Variants in NELL2 observed in about 807,000 individuals in gnomAD.
NELL2 encodes neural EGFL like 2, also known as protein kinase C-binding protein NELL2.
A neutral mutation model predicts 109.6 loss-of-function variants in NELL2; 41 were observed. The ratio of observed to expected loss-of-function variants is 0.37; its 90% confidence interval spans 0.29 to 0.49. NELL2 has a LOEUF of 0.49. NELL2 is among the 20% of genes least tolerant of loss of function. NELL2 has a pLI of 0.98. For missense variants in NELL2, 900 were observed against 1,008.3 expected (o/e 0.89, Z 1.45); for synonymous variants, 355 against 344.7 (o/e 1.03, Z -0.33).
At chr12:44,567,346 TA>T (rs1404715147) in intron 15 of NELL2, among the ~76,000 whole-genome samples, 1 of 152,218 alleles carries the variant, frequency 6.6e-6, no homozygotes, top group Admixed American at 6.5e-5. Context: ...CTGTAAAAAC[TA>T]TGATCAAATA....
intron 2 of NELL2, among the ~76,000 whole-genome samples, chr12:44,817,741 T>G (rs1943399288): frequency 6.6e-6 from 1 of 152,166 alleles, no homozygotes. Context: ...ACCTGCTGTT[T>G]CCATCACCAT....
chr12:44,694,211 A>T (rs2136401316), intron 12 of NELL2, among the ~76,000 whole-genome samples: 1 of 152,268 alleles, frequency 6.6e-6, no homozygotes, highest in Middle Eastern at 3.4e-3. Flanking sequence ...TCCCTCCCTA[A>T]CGTGGGCAGG....
At chr12:44,629,605 C>T (rs2136283302) in intron 13 of NELL2, among the ~76,000 whole-genome samples, 1 of 152,100 alleles carries the variant, frequency 6.6e-6, no homozygotes, top group East Asian at 1.9e-4. Context: ...CGGGCACATA[C>T]AATGAAATAG....
intron 15 of NELL2, among the ~76,000 whole-genome samples, chr12:44,571,526 A>C (rs1943871560): frequency 6.6e-6 from 1 of 152,166 alleles, no homozygotes; most frequent in Admixed American, 6.5e-5. Context: ...TCTGTCTGGG[A>C]AGTGATGTTA....
intron 9 of NELL2, among the ~76,000 whole-genome samples, chr12:44,733,781 G>C (rs777726508): frequency 7.9e-5 from 12 of 151,900 alleles, no homozygotes; most frequent in Non-Finnish European, 1.5e-4. Flanking sequence ...AGGAAGGAAA[G>C]AAGGAATGAA....
intron 9 of NELL2, among the ~76,000 whole-genome samples, chr12:44,718,118 T>A (rs1455866906): frequency 6.6e-6 from 1 of 152,158 alleles, no homozygotes; most frequent in Non-Finnish European, 1.5e-5. Flanking sequence ...CTTGAGATTA[T>A]CAAAATGAGG....
At chr12:44,560,098 A>C (rs1020446461) in intron 15 of NELL2, among the ~76,000 whole-genome samples, 1 of 152,246 alleles carries the variant, frequency 6.6e-6, no homozygotes, top group Non-Finnish European at 1.5e-5. Context: ...AATGAAATTA[A>C]GGCAGAAATA....
At position 44,775,259 on chromosome 12, in the gene NELL2, A is replaced by G. The variant is rs12307544; in HGVS notation, c.892-410T>C. On this transcript the variant is annotated intron_variant, in intron 8 of 19. Transcript: ENST00000429094. Reference sequence around the variant, plus strand: ...CACATGCATGTGCGTGCGCACGCACACACACACACACAGTTCTGAACTACT... The same window carrying G: ...CACATGCATGTGCGTGCGCACGCACGCACACACACACAGTTCTGAACTACT... Among the ~76,000 whole-genome samples, 510 of 146,632 alleles carry G rather than the reference A, an allele frequency of 3.5e-3. 2 individuals are homozygous for G. The highest frequency in any genetic ancestry group is 6.1e-3 in the Non-Finnish European group (416 of 67,974).
intron 13 of NELL2, among the ~76,000 whole-genome samples, chr12:44,648,846 C>A (rs180715540): frequency 0.02 from 2,921 of 148,848 alleles, 93 homozygotes; most frequent in African/African-American, 0.069. Flanking sequence ...AGCGATTCTC[C>A]TGCCTCAGCT....
chr12:44,887,510 G>A (rs1256019594), intron 1 of NELL2, among the ~76,000 whole-genome samples: 1 of 151,820 alleles, frequency 6.6e-6, no homozygotes, highest in African/African-American at 2.4e-5. Flanking sequence ...GCATTTATCT[G>A]GTGATTAGTG....
chr12:44,678,065 T>C (rs1022843739), intron 12 of NELL2, among the ~76,000 whole-genome samples: 4 of 151,906 alleles, frequency 2.6e-5, no homozygotes, highest in Admixed American at 2.6e-4. Flanking sequence ...GTAGAGGATG[T>C]AGAATGAGCA....
chr12:44,705,409 A>G (rs1937816542), intron 11 of NELL2, among the ~76,000 whole-genome samples: 1 of 152,230 alleles, frequency 6.6e-6, no homozygotes, highest in Non-Finnish European at 1.5e-5. Context: ...AGCATTTAAA[A>G]TACTTGGCAA....
intron 9 of NELL2, among the ~76,000 whole-genome samples, chr12:44,755,603 A>AAG (rs1229869500): frequency 7.9e-5 from 12 of 151,998 alleles, no homozygotes; most frequent in Admixed American, 7.2e-4. Context: ...TCCACCTCTA[A>AAG]AAGCTCTCAA....
intron 1 of NELL2, among the ~76,000 whole-genome samples, chr12:44,905,997 C>T (rs1039563966): frequency 4.0e-5 from 6 of 151,792 alleles, no homozygotes; most frequent in East Asian, 3.9e-4. Context: ...AACAGTAATA[C>T]GTGCTATGGA....
rs866045233 is a variant in NELL2, at chr12:44,637,693, T to C, written c.1445-26723A>G. On this transcript the variant is annotated intron_variant, in intron 13 of 19. Coordinates refer to ENST00000429094, the MANE Select transcript of NELL2 (RefSeq NM_001145108.2). The stretch of plus-strand genomic sequence containing the variant: ...GTCTCTGAGAAATGAAGAAAACATG[T>C]GTTTCTCAAATGACATGAAGCAGAG... Among the ~76,000 whole-genome samples the C allele has an allele frequency of 7.9e-5, 12 of 150,954 alleles. No individual in the cohort carries two copies. In the South Asian group the frequency reaches 1.9e-3, roughly 24 times the overall value.
chr12:44,914,762 G>A (rs1945814112), upstream of NELL2, among the ~76,000 whole-genome samples: 1 of 152,132 alleles, frequency 6.6e-6, no homozygotes, highest in African/African-American at 2.4e-5. Context: ...CTCCTGGAGT[G>A]TAGAGAAAGG....
intron 9 of NELL2, among the ~76,000 whole-genome samples, chr12:44,745,294 C>A (rs1003551267): frequency 5.9e-5 from 9 of 152,048 alleles, no homozygotes; most frequent in Non-Finnish European, 1.0e-4. Flanking sequence ...ATTGATGGGA[C>A]GTATCTCAAA....
At chr12:44,789,578 C>T (rs1419943453) in intron 3 of NELL2, among the ~76,000 whole-genome samples, 2 of 151,932 alleles carry the variant, frequency 1.3e-5, no homozygotes, top group Non-Finnish European at 2.9e-5. Flanking sequence ...TAACACCCCC[C>T]AAAAATCATA....
At chr12:44,683,717 T>A (rs1303366714) in intron 12 of NELL2, among the ~76,000 whole-genome samples, 2 of 152,224 alleles carry the variant, frequency 1.3e-5, no homozygotes, top group Non-Finnish European at 2.9e-5. Flanking sequence ...TATGCTGGAT[T>A]ACATTTATTG....
Sources: allele counts gnomAD v4.1 joint callset (sites outside exome capture counted in the v4.1 genomes callset), GRCh38; gene constraint gnomAD v4.1.1; transcripts MANE v1.5; gene names NCBI Gene and HGNC (gene_info 2026-07-23, HGNC 2026-07-21).